The following POP1 variants were observed in gnomAD, a reference collection of about 807,000 sequenced individuals.
POP1 encodes POP1 ribonuclease P/MRP subunit.
In POP1, 75 loss-of-function variants were observed where a neutral mutation model predicts 102.2. The observed-to-expected ratio is 0.73, with a 90% CI of 0.61 to 0.89. The LOEUF (loss-of-function observed/expected upper bound fraction) is 0.89. POP1 is among the 40% of genes least tolerant of loss of function. The probability of loss-of-function intolerance (pLI) is 0.00; values close to 1 mark genes in which losing one functional copy is unlikely to be tolerated. For synonymous variants in POP1, 436 were observed against 464.1 expected, an observed-to-expected ratio of 0.94 and a Z score of 0.78; for missense variants, 1,116 against 1,267.4, an observed-to-expected ratio of 0.88 and a Z score of 1.81.
chr8:98,152,203 G>A (rs184994070), intron 14 of POP1, among the ~76,000 whole-genome samples: 1 of 152,246 alleles, frequency 6.6e-6, no homozygotes, highest in African/African-American at 2.4e-5. Context: ...TTAAATAATA[G>A]TTAAAAATAA....
chr8:98,156,322 G>C lies in POP1; in HGVS notation c.2330G>C (p.Cys777Ser), dbSNP rs1316245217. The C allele has an allele frequency of 6.2e-7, 1 of 1,614,028 alleles. No individual in the cohort carries two copies. The highest frequency in any genetic ancestry group is 8.5e-7 in the Non-Finnish European group (1 of 1,180,042). ...GCAGAGGAGGTAATGGATGCAGGGT[G>C]TCAAGAATCGGCAGGGCCTGAGAGG... is the stretch of plus-strand genomic sequence containing the variant. ...REAEEVMDAG[C>S]QESAGPERIT... is the part of the protein sequence containing the mutation. The change falls in exon 15 of 16, where the codon TGT becomes TCT. Residue 777 changes from cysteine to serine, a missense_variant. Coordinates refer to ENST00000401707, the MANE Select transcript of POP1 (RefSeq NM_001145860.2).
chr8:98,157,539 A>C, intron 15 of POP1, 78 bp from the exon 16 acceptor site: 5 of 1,487,022 alleles, frequency 3.4e-6, no homozygotes, highest in Non-Finnish European at 4.7e-6. Flanking sequence ...AATTAATTCT[A>C]GCAGTGTCTA....
intron 2 of POP1, among the ~76,000 whole-genome samples, chr8:98,126,229 C>T (rs1260366315): frequency 2.6e-5 from 4 of 152,114 alleles, no homozygotes; most frequent in Non-Finnish European, 4.4e-5. Context: ...AAAGACTGTA[C>T]ACAATCATGT....
At chr8:98,141,010 T>TGC in intron 11 of POP1, 122 bp downstream of exon 11, 7 of 1,140,266 alleles carry the variant, frequency 6.1e-6, no homozygotes, top group Non-Finnish European at 9.1e-6. Flanking sequence ...TAGGGCAGTC[T>TGC]CCTTACCTGC....
rs145572865 is a variant in POP1 at position 98,143,478 on chromosome 8, T to C, written c.1594+2590T>C. On this transcript the variant is annotated intron_variant, in intron 11 of 15. Transcript: ENST00000401707. Reference sequence around the variant, plus strand: ...ACAGTCTATGTCCTTAGTAGAGTGGTACGTTTGTTACAATCCATGAACCGA... The same window carrying C: ...ACAGTCTATGTCCTTAGTAGAGTGGCACGTTTGTTACAATCCATGAACCGA... Among the ~76,000 whole-genome samples the C allele has an allele frequency of 6.9e-3, 1,043 of 152,250 alleles. 12 individuals carry two copies. The highest frequency in any genetic ancestry group is 0.024 in the African/African-American group (982 of 41,542).
At chr8:98,133,099 C>T (rs934766608) in intron 5 of POP1, among the ~76,000 whole-genome samples, 6 of 150,116 alleles carry the variant, frequency 4.0e-5, no homozygotes, top group African/African-American at 1.5e-4. Context: ...TGCCTGTAGT[C>T]CCAGCTACCT....
chr8:98,148,568 C>A (rs561803770), intron 12 of POP1, among the ~76,000 whole-genome samples: 2 of 152,240 alleles, frequency 1.3e-5, no homozygotes, highest in African/African-American at 2.4e-5. Context: ...AAGAGATCAG[C>A]AGAATGAATA....
chr8:98,119,129 C>T (rs1484457906), intron 1 of POP1, among the ~76,000 whole-genome samples: 5 of 152,146 alleles, frequency 3.3e-5, no homozygotes, highest in Admixed American at 3.3e-4. Flanking sequence ...CTATTGGGCA[C>T]ATAGTAGGTG....
intron 13 of POP1, among the ~76,000 whole-genome samples, chr8:98,150,178 GTTTGTATC>G (rs1444298541): frequency 6.6e-6 from 1 of 152,196 alleles, no homozygotes; most frequent in East Asian, 1.9e-4. Flanking sequence ...ATTAAAGTAT[GTTTGTATC>G]CCACAATAAA....
At chr8:98,139,510 C>T (rs191964156) in intron 9 of POP1, among the ~76,000 whole-genome samples, 7 of 152,170 alleles carry the variant, frequency 4.6e-5, no homozygotes, top group Admixed American at 1.3e-4. Context: ...TGCTTCAGCC[C>T]AGGAATTCAA....
chr8:98,157,448 A>G (rs746620431), intron 15 of POP1, among the ~76,000 whole-genome samples, 169 bp from the exon 16 acceptor site: 1 of 152,266 alleles, frequency 6.6e-6, no homozygotes, highest in Non-Finnish European at 1.5e-5. Context: ...AAAGAAAAAT[A>G]TAAGTACTAA....
At position 98,130,217 on chromosome 8, in the gene POP1, C is replaced by T. The variant is rs776322890; in HGVS notation, c.726C>T (p.Cys242=). 7 of 1,614,004 alleles carry T rather than the reference C, an allele frequency of 4.3e-6. No individual in the cohort carries two copies. In the South Asian group the frequency reaches 7.7e-5, roughly 18 times the overall value. Residue 242 remains cysteine (C), a synonymous_variant, in exon 5 of 16, where the codon TGC becomes TGT. Coordinates refer to ENST00000401707, the MANE Select transcript of POP1 (RefSeq NM_001145860.2). Reference sequence around the variant, plus strand: ...GCTATCGAGCCATGACGAACCGGTGCCTCCTGCAGGTGAGCTTTTCCAGTG... The same window carrying T: ...GCTATCGAGCCATGACGAACCGGTGTCTCCTGCAGGTGAGCTTTTCCAGTG... ...RACYRAMTNR[C]LLQDLSYYCC... is the part of the protein sequence containing the mutation.
At position 98,158,242 on chromosome 8, in the gene POP1, C is replaced by T. The variant is rs892526350; in HGVS notation, c.3046C>T (p.Arg1016Ter). The T allele has an allele frequency of 2.5e-6, 4 of 1,611,238 alleles. No individual in the cohort carries two copies. The highest frequency in any genetic ancestry group is 2.5e-6 in the Non-Finnish European group (3 of 1,180,018). ...GAGGCCTCCCGCCTCTCTGCAGTAT[C>T]GATTTGCGAGGATTGCTATTGAGGT... Reference protein sequence around the residue: ...LLRPPASLQYRFARIAIEV With the variant: ...LLRPPASLQY Residue 1016 changes from arginine (R) to a stop codon, truncating the protein, a stop_gained, in exon 16 of 16, where the codon CGA (arginine) becomes TGA (stop). Coordinates refer to ENST00000401707, the MANE Select transcript of POP1 (RefSeq NM_001145860.2). LOFTEE classifies it high-confidence loss of function.
In POP1 at chr8:98,148,980, TG is replaced by T. The variant is rs757187658; in HGVS notation, c.1880del (p.Gly627AlafsTer13). ...SGWDVLLPKG[W>X]GMAFWIPFIY... is the part of the protein sequence containing the mutation. ...CTGGGATGTCCTACTCCCAAAGGGC[TG>T]GGGCATGGCTTTCTGGATTCCATTT... On this transcript the variant is annotated frameshift_variant, in exon 13 of 16. Coordinates refer to ENST00000401707, the MANE Select transcript of POP1 (RefSeq NM_001145860.2). LOFTEE classifies it high-confidence loss of function. 1.9e-6 allele frequency: 3 copies of T among 1,613,480 alleles called. No individual in the cohort carries two copies. The highest frequency in any genetic ancestry group is 3.3e-5 in the Admixed American group (2 of 59,956).
At chr8:98,129,701 T>C (rs1335822851) in intron 4 of POP1, among the ~76,000 whole-genome samples, 1 of 152,208 alleles carries the variant, frequency 6.6e-6, no homozygotes, top group Non-Finnish European at 1.5e-5. Flanking sequence ...TTGAACATTT[T>C]ATAAGTATTC....
At position 98,128,368 on chromosome 8, in the gene POP1, C is replaced by T. The variant is rs2130586245; in HGVS notation, c.314C>T (p.Ser105Phe). The change falls in exon 4 of 16, where the codon TCT (serine) becomes TTT (phenylalanine). Residue 105 changes from serine (S) to phenylalanine (F), a missense_variant. By Grantham distance (155) the Ser-to-Phe change is radical (BLOSUM62 -2). Coordinates refer to ENST00000401707, the MANE Select transcript of POP1 (RefSeq NM_001145860.2). ...ACTTTGTCATCTCCTTCAACAGCTT[C>T]TACTTTTGCTCAAGCACGAGCTGCT... ...SQEIPKYITASTFAQARAAEI... is the reference protein window; with the variant it reads ...SQEIPKYITAFTFAQARAAEI... 2.5e-6 allele frequency: 4 copies of T among 1,613,950 alleles called. No homozygotes were observed. The highest frequency in any genetic ancestry group is 3.4e-6 in the Non-Finnish European group (4 of 1,179,962).
rs1419040448 is a variant in POP1, at chr8:98,127,689, G to T, written c.237G>T (p.Gly79=). ...TGAATGAGCAGTCTTCCTCCAAAGG[G>T]ATGTTTAGAAAAAAGGGAGGATGGA... is the stretch of plus-strand genomic sequence containing the variant. ...PEVNEQSSSK[G]MFRKKGGWKA... is the part of the protein sequence containing the mutation. The change falls in exon 3 of 16, where the codon GGG becomes GGT. Residue 79 remains glycine (G), a synonymous_variant. Coordinates refer to ENST00000401707, the MANE Select transcript of POP1 (RefSeq NM_001145860.2). The T allele has an allele frequency of 6.2e-7, 1 of 1,613,994 alleles. No homozygotes were observed. The highest frequency in any genetic ancestry group is 1.3e-5 in the African/African-American group (1 of 74,902).
chr8:98,126,382 G>A (rs1240550175), intron 2 of POP1, among the ~76,000 whole-genome samples: 1 of 152,036 alleles, frequency 6.6e-6, no homozygotes, highest in East Asian at 1.9e-4. Flanking sequence ...GTGGAAAATT[G>A]CACATCCGAC....
In POP1 at chr8:98,158,080, A is replaced by G; in HGVS notation, c.2884A>G (p.Thr962Ala). 1 of 1,607,662 alleles carries G rather than the reference A, an allele frequency of 6.2e-7. No homozygotes were observed. Among genetic ancestry groups the G allele is most frequent in the Non-Finnish European group, 8.5e-7 (1 of 1,178,646 alleles). ...LPRVTLHCSR[T>A]LLGFVTQGDF... ...GCGTGTGACGTTGCACTGCTCCAGA[A>G]CTCTCCTAGGCTTTGTGACTCAGGG... Residue 962 changes from threonine to alanine, a missense_variant, in exon 16 of 16, where the codon ACT becomes GCT. Transcript: ENST00000401707.
Sources: gnomAD v4.1 joint callset for allele counts (sites outside exome capture counted in the v4.1 genomes callset) on GRCh38, gnomAD v4.1.1 for gene constraint, MANE v1.5 for transcripts, NCBI Gene and HGNC (gene_info 2026-07-23, HGNC 2026-07-21) for gene names.